The following TFEC variants were observed in gnomAD, a reference collection of about 807,000 sequenced individuals.
The protein encoded by TFEC is transcription factor EC.
A neutral mutation model predicts 41.6 loss-of-function variants in TFEC; 31 were observed. The observed-to-expected ratio is 0.74, with a 90% CI of 0.56 to 1.01. TFEC has a LOEUF of 1.01. TFEC is among the 50% of genes least tolerant of loss of function. TFEC has a pLI of 0.00. For synonymous variants in TFEC, 143 were observed against 140.6 expected (o/e 1.02, Z -0.12); for missense variants, 402 against 404.1 (o/e 0.99, Z 0.04).
chr7:116,118,575 A>G (rs1798042640), intron 1 of TFEC, among the ~76,000 whole-genome samples: 1 of 151,736 alleles, frequency 6.6e-6, no homozygotes, highest in Non-Finnish European at 1.5e-5. Flanking sequence ...GCACCTACAC[A>G]CAATTGTTCA....
At chr7:116,042,831 G>T (rs999936450) in intron 3 of TFEC, among the ~76,000 whole-genome samples, 2 of 151,958 alleles carry the variant, frequency 1.3e-5, no homozygotes, top group Non-Finnish European at 2.9e-5. Context: ...CTGAATAAAC[G>T]TCAAAATTAT....
intron 3 of TFEC, among the ~76,000 whole-genome samples, chr7:116,047,144 A>G (rs1023080817): frequency 3.3e-5 from 5 of 152,296 alleles, no homozygotes; most frequent in Non-Finnish European, 7.4e-5. Context: ...CTGAGGTACC[A>G]GGTTCATCTC....
At chr7:116,095,964 T>C (rs1666524783) in intron 3 of TFEC, among the ~76,000 whole-genome samples, 1 of 152,218 alleles carries the variant, frequency 6.6e-6, no homozygotes. Flanking sequence ...GCCACATCTG[T>C]GCATTAGATG....
At chr7:115,953,691 G>T (rs1385283067) in intron 5 of TFEC, among the ~76,000 whole-genome samples, 6 of 151,920 alleles carry the variant, frequency 3.9e-5, no homozygotes, top group African/African-American at 1.2e-4. Flanking sequence ...AAGCCTTTGA[G>T]AATAAAATCA....
chr7:115,979,168 G>T (rs1289303865), intron 2 of TFEC, among the ~76,000 whole-genome samples: 1 of 152,026 alleles, frequency 6.6e-6, no homozygotes, highest in East Asian at 1.9e-4. Context: ...CCTCTATATA[G>T]CTGACAAAGT....
chr7:116,119,697 C>A (rs909663265), intron 1 of TFEC, among the ~76,000 whole-genome samples: 1 of 151,554 alleles, frequency 6.6e-6, no homozygotes, highest in African/African-American at 2.4e-5. Context: ...AAAATTTGAA[C>A]AATTTTTCTA....
chr7:116,082,088 G>A (rs1797104377), intron 3 of TFEC, among the ~76,000 whole-genome samples: 1 of 152,010 alleles, frequency 6.6e-6, no homozygotes, highest in Non-Finnish European at 1.5e-5. Context: ...TGTGAACTTA[G>A]TGATGATAAC....
At chr7:115,976,632 A>G (rs188250023) in intron 2 of TFEC, among the ~76,000 whole-genome samples, 1 of 152,292 alleles carries the variant, frequency 6.6e-6, no homozygotes, top group Admixed American at 6.5e-5. Context: ...GAAATTCTTT[A>G]AGTAAATTAT....
chr7:116,114,019 G>GT (rs1797915787), intron 1 of TFEC, among the ~76,000 whole-genome samples: 1 of 151,910 alleles, frequency 6.6e-6, no homozygotes, highest in African/African-American at 2.4e-5. Flanking sequence ...GGAGAAAAAA[G>GT]TAAGTTGGGA....
chr7:116,001,319 T>C (rs1354975985), intron 1 of TFEC, among the ~76,000 whole-genome samples: 3 of 151,712 alleles, frequency 2.0e-5, no homozygotes, highest in Non-Finnish European at 4.4e-5. Context: ...GGATTGAGAC[T>C]TAAACCTATG....
intron 2 of TFEC, 72 bp from the exon 3 acceptor site, chr7:115,974,328 G>A (rs1793271324): frequency 8.3e-7 from 1 of 1,198,686 alleles, no homozygotes; most frequent in Non-Finnish European, 1.1e-6. Flanking sequence ...AAAACAGAGA[G>A]AAAAATTCTA....
At chr7:115,958,358 T>C (rs1792347388) in intron 3 of TFEC, among the ~76,000 whole-genome samples, 1 of 151,928 alleles carries the variant, frequency 6.6e-6, no homozygotes, top group South Asian at 2.1e-4. Context: ...AAGGTCATTT[T>C]TGAAAGGCCT....
chr7:116,144,213 C>CA lies in TFEC; in HGVS notation c.-69+15576dup, dbSNP rs199544196. Among the ~76,000 whole-genome samples the CA allele has an allele frequency of 6.6e-3, 935 of 142,688 alleles. 8 individuals carry two copies. The highest frequency in any genetic ancestry group is 0.018 in the African/African-American group (704 of 38,930). 93.6% of individuals were successfully genotyped at this position (142,688 alleles called of 152,430 possible). A position where few individuals can be genotyped will look rare whatever the true frequency, so the allele number is the denominator to read the frequency against. ...GCCTGGCAACAGAGTGAGACTCCAT[C>CA]AAAAAAAAAAAAATGAAACAAAGAA... is the stretch of plus-strand genomic sequence containing the variant. On this transcript the variant is annotated intron_variant, in intron 1 of 8. Coordinates refer to the TFEC transcript ENST00000484212.
At chr7:116,039,892 T>C (rs1310543930) in intron 3 of TFEC, among the ~76,000 whole-genome samples, 1 of 152,124 alleles carries the variant, frequency 6.6e-6, no homozygotes, top group Non-Finnish European at 1.5e-5. Flanking sequence ...TTTTGGTTGA[T>C]ATTTTTAACT....
chr7:116,034,112 T>C (rs556875302), upstream of TFEC, among the ~76,000 whole-genome samples: 1 of 152,266 alleles, frequency 6.6e-6, no homozygotes, highest in Admixed American at 6.5e-5. Context: ...TTCAGGACAC[T>C]ACAGACTCAA....
chr7:115,956,647 TA>T, intron 4 of TFEC, 31 bp downstream of exon 4: 2 of 1,501,772 alleles, frequency 1.3e-6, no homozygotes, highest in South Asian at 1.2e-5. Context: ...TTAATAAAAA[TA>T]AAAAGGGTAA....
chr7:116,130,667 C>CAGT (rs1478542895), intron 1 of TFEC, among the ~76,000 whole-genome samples: 1 of 152,100 alleles, frequency 6.6e-6, no homozygotes, highest in Non-Finnish European at 1.5e-5. Context: ...GATTGGAGTG[C>CAGT]AGTAGCACAA....
At chr7:115,950,058 C>A (rs1332796141) in intron 6 of TFEC, among the ~76,000 whole-genome samples, 4 of 146,384 alleles carry the variant, frequency 2.7e-5, no homozygotes, top group African/African-American at 1.0e-4. Context: ...GTTGCCCAGG[C>A]TGGAGTGCAG....
upstream of TFEC, among the ~76,000 whole-genome samples, chr7:116,031,276 G>A (rs540594256): frequency 6.6e-6 from 1 of 151,808 alleles, no homozygotes; most frequent in South Asian, 2.1e-4. Context: ...GTGACCCCAG[G>A]ATAATTTTTA....
Sources: gnomAD v4.1 joint callset for allele counts (sites outside exome capture counted in the v4.1 genomes callset) on GRCh38, gnomAD v4.1.1 for gene constraint, MANE v1.5 for transcripts, NCBI Gene and HGNC (gene_info 2026-07-23, HGNC 2026-07-21) for gene names.